Variants in ZNF106 observed in about 807,000 individuals in gnomAD.
ZNF106 encodes the protein SH3-domain binding protein 3.
Under a neutral mutation model 195.1 loss-of-function variants are expected in ZNF106, and 67 were observed. The observed-to-expected ratio is 0.34, with a 90% CI of 0.28 to 0.42. ZNF106 has a LOEUF of 0.42. Ranked by LOEUF, ZNF106 falls within the 10% of genes least tolerant of loss-of-function variation. The pLI is 1.00. For synonymous variants in ZNF106, 784 were observed against 818.6 expected, an observed-to-expected ratio of 0.96 and a Z score of 0.72; for missense variants, 2,118 against 2,304.5, an observed-to-expected ratio of 0.92 and a Z score of 1.66.
Position 42,439,451 on chromosome 15 carries a change from T to G in ZNF106, c.4126A>C (p.Lys1376Gln). Reference protein sequence around the residue: ...SAETRGSKKKKKLRKKKSLRA... With the variant: ...SAETRGSKKKQKLRKKKSLRA... ...AGACTTTTCTTCTTCCGGAGTTTCT[T>G]CTTTTTCTTGCTTCCCCTAGTCTCA... Residue 1376 changes from lysine (K) to glutamine (Q), a missense_variant, in exon 11 of 22, where the codon AAG (lysine) becomes CAG (glutamine). Transcript: ENST00000564754. The G allele has an allele frequency of 6.2e-7, 1 of 1,613,326 alleles. No individual in the cohort carries two copies. The highest frequency in any genetic ancestry group is 2.2e-5 in the East Asian group (1 of 44,880).
At position 42,450,127 on chromosome 15, in the gene ZNF106, T is replaced by C; in HGVS notation, c.2145A>G (p.Glu715=). Residue 715 remains glutamate, a synonymous_variant, in exon 5 of 22, where the codon GAA becomes GAG. Transcript: ENST00000564754. ...CATCCAAGCTAGCACTCTCAAAGCC[T>C]TCTGTTTCATAAGATACATGAGATT... ...SIKSHVSYET[E]GFESASLDAE... is the part of the protein sequence containing the mutation. 2 of 1,614,222 alleles carry C rather than the reference T, an allele frequency of 1.2e-6. No homozygotes were observed. The highest frequency in any genetic ancestry group is 1.7e-6 in the Non-Finnish European group (2 of 1,180,042).
chr15:42,482,222 TA>T (rs2056913448), intron 1 of ZNF106, among the ~76,000 whole-genome samples: 1 of 152,202 alleles, frequency 6.6e-6, no homozygotes, highest in South Asian at 2.1e-4. Flanking sequence ...TTTCCTTTAC[TA>T]ATGCATAGTT....
In ZNF106 at chr15:42,423,998, G is replaced by A. The variant is rs1176904706; in HGVS notation, c.5253C>T (p.His1751=). The A allele has an allele frequency of 3.7e-6, 6 of 1,609,042 alleles. No individual in the cohort carries two copies. Among genetic ancestry groups the A allele is most frequent in the South Asian group, 1.1e-5 (1 of 89,732 alleles). Residue 1751 remains histidine, a splice_region_variant and synonymous_variant, in exon 17 of 22, where the codon CAC becomes CAT. Coordinates refer to ENST00000564754, the MANE Select transcript of ZNF106 (RefSeq NM_001366845.3). ...TTTACACAACACCAACACAGCTTAC[G>A]TGAATGTTGTGAGCATGGACTGACT... ...SDQSVHAHNI[H]TGELVRIYKG...
intron 13 of ZNF106, among the ~76,000 whole-genome samples, chr15:42,436,321 T>A (rs1006491343): frequency 6.6e-6 from 1 of 152,224 alleles, no homozygotes; most frequent in Non-Finnish European, 1.5e-5. Context: ...CTATTTAGAA[T>A]GTACATATAT....
intron 1 of ZNF106, among the ~76,000 whole-genome samples, chr15:42,490,762 C>T (rs2057141685): frequency 6.6e-6 from 1 of 152,166 alleles, no homozygotes; most frequent in South Asian, 2.1e-4. Context: ...AGAGCTGGAA[C>T]GCCCCCGCGA....
intron 1 of ZNF106, among the ~76,000 whole-genome samples, chr15:42,489,458 T>C (rs1375466832): frequency 6.6e-6 from 1 of 151,650 alleles, no homozygotes; most frequent in African/African-American, 2.4e-5. Context: ...ATTACAGGCG[T>C]GAGCCATCGC....
In ZNF106 at chr15:42,435,425, T is replaced by C. The variant is rs1186496349; in HGVS notation, c.4840A>G (p.Thr1614Ala). 1.2e-6 allele frequency: 2 copies of C among 1,614,080 alleles called. No individual in the cohort carries two copies. The highest frequency in any genetic ancestry group is 4.5e-5 in the East Asian group (2 of 44,886). ...CGGATGGTATGGTCACTGGACCCGG[T>C]GTAAAGGGCAGCATTCTTCCCGGAG... ...QTSGKNAALY[T>A]GSSDHTIRCY... The change falls in exon 14 of 22, where the codon ACC (threonine) becomes GCC (alanine). Residue 1614 changes from threonine to alanine, a missense_variant. Thr to Ala is a moderately conservative substitution (Grantham distance 58). Coordinates refer to ENST00000564754, the MANE Select transcript of ZNF106 (RefSeq NM_001366845.3).
intron 3 of ZNF106, among the ~76,000 whole-genome samples, chr15:42,461,606 G>T (rs1395110199): frequency 6.6e-6 from 1 of 152,162 alleles, no homozygotes; most frequent in East Asian, 1.9e-4. Context: ...GAAAAAATAG[G>T]GAAATGTTTC....
chr15:42,433,932 T>C (rs1462356708), intron 14 of ZNF106, among the ~76,000 whole-genome samples: 4 of 152,026 alleles, frequency 2.6e-5, no homozygotes, highest in African/African-American at 9.7e-5. Context: ...CACTATAACC[T>C]TGAATTCCTG....
chr15:42,489,096 ACAC>A (rs1271616182), intron 1 of ZNF106, among the ~76,000 whole-genome samples: 364 of 128,888 alleles, frequency 2.8e-3, no homozygotes, highest in African/African-American at 0.014. Flanking sequence ...AAAAAACAAC[ACAC>A]ACACACACAC....
intron 6 of ZNF106, among the ~76,000 whole-genome samples, chr15:42,447,206 C>A (rs1161692670): frequency 6.6e-6 from 1 of 152,136 alleles, no homozygotes; most frequent in Admixed American, 6.6e-5. Flanking sequence ...AACTACTATG[C>A]TTATCACCTC....
chr15:42,449,766 C>T lies in ZNF106; in HGVS notation c.2501+5G>A. On this transcript the variant is annotated splice_donor_5th_base_variant and intron_variant, in intron 5 of 21. Coordinates refer to ENST00000564754, the MANE Select transcript of ZNF106 (RefSeq NM_001366845.3). The stretch of plus-strand genomic sequence containing the variant: ...AAAAAAAAGACACCGAAAAGCAGCA[C>T]ACACCTGGGTAAGCCTTTGCCCAGC... The T allele has an allele frequency of 6.2e-7, 1 of 1,604,296 alleles. No individual in the cohort carries two copies. The highest frequency in any genetic ancestry group is 8.5e-7 in the Non-Finnish European group (1 of 1,174,080).
At chr15:42,423,798 G>C (rs962915237) in intron 17 of ZNF106, among the ~76,000 whole-genome samples, 200 bp downstream of exon 17, 3 of 152,214 alleles carry the variant, frequency 2.0e-5, no homozygotes, top group African/African-American at 7.2e-5. Flanking sequence ...CATAAAGCCT[G>C]TCTGTCCACC....
Position 42,450,636 on chromosome 15 carries a change from A to G in ZNF106, c.1636T>C (p.Ser546Pro). The change falls in exon 5 of 22, where the codon TCT (serine) becomes CCT (proline). Residue 546 changes from serine to proline, a missense_variant. Ser to Pro is a moderately conservative substitution (Grantham distance 74, BLOSUM62 -1). Coordinates refer to ENST00000564754, the MANE Select transcript of ZNF106 (RefSeq NM_001366845.3). ...AAATTATCACCAGATTGCTTTTGAGAGCCAAATGTACTTTTATTCCCTTTT... is the reference window on the plus strand; with the variant it reads ...AAATTATCACCAGATTGCTTTTGAGGGCCAAATGTACTTTTATTCCCTTTT... ...VLKGNKSTFG[S>P]QKQSGDNLND... 6.2e-7 allele frequency: 1 copy of G among 1,614,146 alleles called. No homozygotes were observed.
intron 14 of ZNF106, among the ~76,000 whole-genome samples, chr15:42,432,029 G>C (rs570445277): frequency 6.6e-6 from 1 of 152,176 alleles, no homozygotes; most frequent in Non-Finnish European, 1.5e-5. Context: ...ACTCCTTTCA[G>C]TTCTATCAGT....
chr15:42,425,264 A>G (rs1321718333), intron 15 of ZNF106, among the ~76,000 whole-genome samples: 2 of 152,062 alleles, frequency 1.3e-5, no homozygotes, highest in Non-Finnish European at 2.9e-5. Context: ...TATAACTTCA[A>G]CCCACACCAT....
intron 1 of ZNF106, among the ~76,000 whole-genome samples, chr15:42,486,642 G>A (rs1000123021): frequency 1.3e-5 from 2 of 151,986 alleles, no homozygotes; most frequent in Non-Finnish European, 1.5e-5. Context: ...TTAGAAGTTT[G>A]GTGATGTTCT....
At chr15:42,419,931 C>G (rs1327952899) in intron 20 of ZNF106, among the ~76,000 whole-genome samples, 2 of 152,198 alleles carry the variant, frequency 1.3e-5, no homozygotes, top group African/African-American at 4.8e-5. Context: ...GCCTGGGCAA[C>G]AGAGTGAGAT....
At chr15:42,489,011 GA>G (rs922724661) in intron 1 of ZNF106, among the ~76,000 whole-genome samples, 1 of 150,046 alleles carries the variant, frequency 6.7e-6, no homozygotes, top group Admixed American at 6.6e-5. Flanking sequence ...CCAAGAAGCG[GA>G]GGTTGCAGTG....
Sources: gnomAD v4.1 joint callset for allele counts (sites outside exome capture counted in the v4.1 genomes callset) on GRCh38, gnomAD v4.1.1 for gene constraint, MANE v1.5 for transcripts, NCBI Gene and HGNC (gene_info 2026-07-23, HGNC 2026-07-21) for gene names.